The following ARHGAP24 variants were observed in gnomAD, a reference collection of about 807,000 sequenced individuals.
ARHGAP24 encodes rho GTPase-activating protein 24.
Under a neutral mutation model 76.4 loss-of-function variants are expected in ARHGAP24, and 50 were observed. That is an observed-to-expected ratio of 0.65 (90% confidence interval 0.52 to 0.83). The LOEUF (loss-of-function observed/expected upper bound fraction) is 0.83, where lower values mean the gene tolerates loss of function less well. ARHGAP24 is among the 40% of genes least tolerant of loss of function. The pLI, the probability that ARHGAP24 is intolerant of heterozygous loss-of-function variation, is 0.00. For synonymous variants in ARHGAP24, 345 were observed against 323.3 expected, an observed-to-expected ratio of 1.07 and a Z score of -0.72; for missense variants, 930 against 914.2, an observed-to-expected ratio of 1.02 and a Z score of -0.22.
chr4:85,711,711 C>T (rs1326204532), intron 2 of ARHGAP24, among the ~76,000 whole-genome samples: 1 of 152,130 alleles, frequency 6.6e-6, no homozygotes, highest in African/African-American at 2.4e-5. Flanking sequence ...TTAGCAAGGT[C>T]ATTGTATTCA....
At chr4:85,491,817 G>T (rs1201102507) in intron 1 of ARHGAP24, among the ~76,000 whole-genome samples, 1 of 152,140 alleles carries the variant, frequency 6.6e-6, no homozygotes, top group Non-Finnish European at 1.5e-5. Flanking sequence ...TCCCTTAGAA[G>T]TTTCAGCTGC....
At chr4:85,863,051 C>A (rs2110178995) in intron 3 of ARHGAP24, among the ~76,000 whole-genome samples, 2 of 152,238 alleles carry the variant, frequency 1.3e-5, no homozygotes, top group Middle Eastern at 6.8e-3. Context: ...GCGCTCCTCA[C>A]CATGGCTTAT....
Position 85,524,587 on chromosome 4 carries a change from G to A in ARHGAP24, c.-20-45935G>A, listed in dbSNP as rs79199793. Among the ~76,000 whole-genome samples, 866 of 152,252 alleles carry A rather than the reference G, an allele frequency of 5.7e-3. 5 individuals carry two copies. Among genetic ancestry groups the A allele is most frequent in the Non-Finnish European group, 0.01 (682 of 68,006 alleles). ...ACATTTGGGGAGACAGGTTGGAGAG[G>A]ATAAGTAACTTGCATAAGGCCACAC... On this transcript the variant is annotated intron_variant, in intron 1 of 9. Transcript: ENST00000395184.
intron 3 of ARHGAP24, among the ~76,000 whole-genome samples, chr4:85,738,058 T>A (rs1725667536): frequency 6.6e-6 from 1 of 151,990 alleles, no homozygotes; most frequent in South Asian, 2.1e-4. Context: ...GTAGCTGAGA[T>A]TAAAGGCGCC....
intron 2 of ARHGAP24, among the ~76,000 whole-genome samples, chr4:85,660,725 G>A (rs974565579): frequency 3.5e-5 from 5 of 141,926 alleles, no homozygotes; most frequent in Non-Finnish European, 6.0e-5. Context: ...GACCCAGGGA[G>A]TAGGAGGTTG....
chr4:85,981,335 A>G (rs1321244114), intron 8 of ARHGAP24, among the ~76,000 whole-genome samples: 2 of 152,230 alleles, frequency 1.3e-5, no homozygotes, highest in East Asian at 3.8e-4. Context: ...CTTGCATGTG[A>G]CAAATATGTA....
At chr4:85,666,015 A>G (rs1027426432) in intron 2 of ARHGAP24, among the ~76,000 whole-genome samples, 1 of 152,046 alleles carries the variant, frequency 6.6e-6, no homozygotes, top group Admixed American at 6.5e-5. Context: ...CTTCTTGAGG[A>G]GTATCTTTGT....
chr4:85,612,124 A>G (rs2109996608), intron 2 of ARHGAP24, among the ~76,000 whole-genome samples: 1 of 151,242 alleles, frequency 6.6e-6, no homozygotes, highest in South Asian at 2.1e-4. Flanking sequence ...ACACACACAG[A>G]CCAGTGTATA....
intron 2 of ARHGAP24, among the ~76,000 whole-genome samples, chr4:85,587,219 T>G (rs1727897383): frequency 6.6e-6 from 1 of 152,224 alleles, no homozygotes; most frequent in African/African-American, 2.4e-5. Flanking sequence ...CAAGTGGTAT[T>G]CCTTAATTGA....
chr4:85,943,261 C>G (rs1737054332), intron 5 of ARHGAP24, among the ~76,000 whole-genome samples: 1 of 152,134 alleles, frequency 6.6e-6, no homozygotes, highest in Admixed American at 6.6e-5. Flanking sequence ...TTAGTCCATT[C>G]AGGCTGTCAT....
intron 5 of ARHGAP24, chr4:85,942,532 T>G (rs974405461): frequency 2.2e-5 from 9 of 408,556 alleles, no homozygotes; most frequent in African/African-American, 1.6e-4. Flanking sequence ...AAAACTGTAT[T>G]AAACTTTTGC....
intron 3 of ARHGAP24, among the ~76,000 whole-genome samples, chr4:85,860,867 A>C (rs1731851827): frequency 6.6e-6 from 1 of 152,026 alleles, no homozygotes; most frequent in Non-Finnish European, 1.5e-5. Flanking sequence ...ATTTTGAATA[A>C]AATGCTTTAA....
At chr4:85,932,010 C>A (rs1736362963) in intron 4 of ARHGAP24, among the ~76,000 whole-genome samples, 1 of 151,786 alleles carries the variant, frequency 6.6e-6, no homozygotes, top group Non-Finnish European at 1.5e-5. Flanking sequence ...TAAGAAAAAT[C>A]AAAATTACAA....
At chr4:85,939,100 C>T (rs1455087900) in intron 4 of ARHGAP24, among the ~76,000 whole-genome samples, 3 of 152,178 alleles carry the variant, frequency 2.0e-5, no homozygotes, top group African/African-American at 7.2e-5. Flanking sequence ...GTGCTTCAAG[C>T]TCCTCCTCCT....
chr4:86,001,498 AAAG>A lies in ARHGAP24; in HGVS notation c.*779_*781del, dbSNP rs1488759447. On this transcript the variant is annotated 3_prime_UTR_variant, in exon 10 of 10. Transcript: ENST00000395184. ...TGCTCCTTAGAAAAGAAAAAATGGT[AAAG>A]AATGGCATTTAACGATTCAGGCTTT... 2 of 398,492 alleles carry A rather than the reference AAAG, an allele frequency of 5.0e-6. No homozygotes were observed. Among genetic ancestry groups the A allele is most frequent in the Non-Finnish European group, 8.8e-6 (2 of 226,016 alleles). 24.7% of individuals were successfully genotyped at this position (398,492 alleles called of 1,614,324 possible). A position where few individuals can be genotyped will look rare whatever the true frequency, so the allele number is the denominator to read the frequency against.
intron 4 of ARHGAP24, among the ~76,000 whole-genome samples, chr4:85,940,340 T>A (rs777835003): frequency 6.6e-5 from 10 of 151,974 alleles, no homozygotes; most frequent in Non-Finnish European, 1.5e-4. Context: ...TGTTGCCTAA[T>A]GGACCAAAGA....
chr4:85,987,450 A>T (rs553242736), intron 8 of ARHGAP24, among the ~76,000 whole-genome samples: 1 of 152,128 alleles, frequency 6.6e-6, no homozygotes, highest in African/African-American at 2.4e-5. Context: ...CATGCAAAGA[A>T]TCATAAAAAT....
chr4:85,948,377 A>G (rs1469035084), intron 5 of ARHGAP24, among the ~76,000 whole-genome samples: 1 of 152,166 alleles, frequency 6.6e-6, no homozygotes, highest in Non-Finnish European at 1.5e-5. Context: ...CTCTTTTAAT[A>G]TTTATATATG....
At chr4:85,906,829 GA>G (rs5860006) in intron 3 of ARHGAP24, among the ~76,000 whole-genome samples, 19,048 of 151,958 alleles carry the variant, frequency 0.13, 1,267 homozygotes, top group African/African-American at 0.16. Context: ...AAAAAGAAGA[GA>G]TTTTTTTTAT....
Sources: gnomAD v4.1 joint callset for allele counts (sites outside exome capture counted in the v4.1 genomes callset) on GRCh38, gnomAD v4.1.1 for gene constraint, MANE v1.5 for transcripts, NCBI Gene and HGNC (gene_info 2026-07-23, HGNC 2026-07-21) for gene names.